The following PTPRD variants were observed in gnomAD, a reference collection of about 807,000 sequenced individuals.
PTPRD encodes the protein receptor-type tyrosine-protein phosphatase delta.
Under a neutral mutation model 214.5 loss-of-function variants are expected in PTPRD, and 34 were observed. That is an observed-to-expected ratio of 0.16 (90% CI 0.12 to 0.21). The LOEUF is 0.21. Ranked by LOEUF, PTPRD falls within the 10% of genes least tolerant of loss-of-function variation. PTPRD has a pLI of 1.00. For synonymous variants in PTPRD, 1,128 were observed against 845.7 expected (o/e 1.33, Z -5.79); for missense variants, 2,545 against 2,398.7 (o/e 1.06, Z -1.27).
rs2097820349 is a variant in PTPRD at position 8,518,149 on chromosome 9, C to T, written c.1242G>A (p.Glu414=). The change falls in exon 21 of 46, where the codon GAG becomes GAA. Residue 414 remains glutamate (E), a synonymous_variant. Coordinates refer to ENST00000381196, the MANE Select transcript of PTPRD (RefSeq NM_002839.4). ...PSEPVLTQTS[E]QAPSSAPRDV... The stretch of plus-strand genomic sequence containing the variant: ...CCCTCGGGGCACTGGATGGTGCTTG[C>T]TCTGAGGTTTGTGTTAGCACAGGTT... 1.9e-6 allele frequency: 3 copies of T among 1,614,042 alleles called. No individual in the cohort carries two copies. Among genetic ancestry groups the T allele is most frequent in the African/African-American group, 2.7e-5 (2 of 74,918 alleles).
intron 10 of PTPRD, among the ~76,000 whole-genome samples, chr9:9,072,351 C>G (rs1025840090): frequency 2.7e-5 from 4 of 150,142 alleles, no homozygotes; most frequent in Non-Finnish European, 5.9e-5. Flanking sequence ...TGCCATTGAC[C>G]AGAATAAACA....
intron 4 of PTPRD, among the ~76,000 whole-genome samples, chr9:10,007,743 A>G (rs1180102900): frequency 2.0e-5 from 3 of 152,020 alleles, no homozygotes; most frequent in Non-Finnish European, 4.4e-5. Context: ...GAATAGCTTC[A>G]GCATTTAAAA....
chr9:9,517,226 C>T (rs1369196006), intron 8 of PTPRD, among the ~76,000 whole-genome samples: 1 of 152,026 alleles, frequency 6.6e-6, no homozygotes, highest in Non-Finnish European at 1.5e-5. Context: ...TCTGTGTATC[C>T]ACTACCCAAC....
chr9:8,399,540 C>T (rs1001576098), intron 36 of PTPRD, among the ~76,000 whole-genome samples: 1 of 151,260 alleles, frequency 6.6e-6, no homozygotes, highest in Non-Finnish European at 1.5e-5. Context: ...TCCCAATATA[C>T]CTTAAAACGT....
intron 9 of PTPRD, among the ~76,000 whole-genome samples, chr9:9,222,297 C>T (rs1427836379): frequency 6.6e-6 from 1 of 151,944 alleles, no homozygotes; most frequent in Non-Finnish European, 1.5e-5. Flanking sequence ...GTTAATTGTA[C>T]CATTAGCTTA....
chr9:9,468,885 C>T (rs934680784), intron 8 of PTPRD, among the ~76,000 whole-genome samples: 4 of 152,062 alleles, frequency 2.6e-5, no homozygotes, highest in African/African-American at 9.7e-5. Flanking sequence ...GATTTTTAAT[C>T]ATTTTGATCA....
intron 11 of PTPRD, among the ~76,000 whole-genome samples, chr9:8,834,196 C>T (rs114561812): frequency 0.017 from 2,646 of 152,046 alleles, 77 homozygotes; most frequent in African/African-American, 0.059. Flanking sequence ...AGGGAAAAAG[C>T]CTGTTTTTTT....
chr9:8,994,629 G>A (rs2099389644), intron 11 of PTPRD, among the ~76,000 whole-genome samples: 1 of 151,994 alleles, frequency 6.6e-6, no homozygotes, highest in Non-Finnish European at 1.5e-5. Flanking sequence ...AAGATGGTGA[G>A]CAGAAATTAA....
chr9:10,058,985 C>A (rs148378657), intron 3 of PTPRD, among the ~76,000 whole-genome samples: 237 of 151,874 alleles, frequency 1.6e-3, no homozygotes, highest in African/African-American at 5.3e-3. Flanking sequence ...TTTTTAAAAC[C>A]AACAAAATAA....
At chr9:9,032,119 C>T (rs924284856) in intron 10 of PTPRD, among the ~76,000 whole-genome samples, 3 of 151,884 alleles carry the variant, frequency 2.0e-5, no homozygotes, top group African/African-American at 7.3e-5. Context: ...TTTTTACCTC[C>T]TGTTTTGCGT....
At chr9:8,350,033 T>A (rs1053802526) in intron 39 of PTPRD, among the ~76,000 whole-genome samples, 1 of 151,968 alleles carries the variant, frequency 6.6e-6, no homozygotes, top group African/African-American at 2.4e-5. Flanking sequence ...TACTAGGAAA[T>A]TGTTATTACT....
chr9:8,413,989 G>C (rs925276274), intron 35 of PTPRD, among the ~76,000 whole-genome samples: 1 of 151,984 alleles, frequency 6.6e-6, no homozygotes, highest in African/African-American at 2.4e-5. Flanking sequence ...ACTGCTATGG[G>C]GTTGTGATTT....
intron 3 of PTPRD, among the ~76,000 whole-genome samples, chr9:10,137,790 C>A (rs1375240694): frequency 6.6e-6 from 1 of 150,974 alleles, no homozygotes; most frequent in Admixed American, 6.6e-5. Context: ...ACCTGAATGG[C>A]TTTTTGGTAA....
chr9:8,600,494 A>C (rs926908811), intron 14 of PTPRD, among the ~76,000 whole-genome samples: 6 of 151,864 alleles, frequency 4.0e-5, no homozygotes, highest in African/African-American at 1.4e-4. Context: ...CACAGCTCTA[A>C]AAGACACCCT....
chr9:10,588,779 T>C (rs1055105683), intron 2 of PTPRD, among the ~76,000 whole-genome samples: 1 of 152,018 alleles, frequency 6.6e-6, no homozygotes, highest in South Asian at 2.1e-4. Flanking sequence ...TGCCTCTTTA[T>C]TAGCAAAAGT....
intron 4 of PTPRD, among the ~76,000 whole-genome samples, chr9:10,003,434 G>T (rs2096384821): frequency 6.6e-6 from 1 of 151,660 alleles, no homozygotes; most frequent in Admixed American, 6.6e-5. Context: ...AAAATGGGTT[G>T]GAGATGAATT....
rs753095675 is a variant in PTPRD, at chr9:8,460,681, T to C, written c.3715-110A>G. On this transcript the variant is annotated intron_variant, in intron 32 of 45. Transcript: ENST00000381196. ...AGGAAATAGTGGATTTAATGATAAG[T>C]GTGTGATGCAATATTAGCAAAACAG... The C allele has an allele frequency of 5.6e-6, 6 of 1,076,982 alleles. No homozygotes were observed. The Admixed American group carries it at 1.7e-4, about 31-fold the overall frequency. 66.7% of individuals were successfully genotyped at this position (1,076,982 alleles called of 1,614,324 possible).
intron 39 of PTPRD, among the ~76,000 whole-genome samples, chr9:8,354,842 T>G (rs2076566638): frequency 6.6e-6 from 1 of 152,196 alleles, no homozygotes; most frequent in South Asian, 2.1e-4. Flanking sequence ...ATCAATCAAT[T>G]TAGGCTGTAA....
chr9:10,102,942 CTTCA>C (rs1345161570), intron 3 of PTPRD, among the ~76,000 whole-genome samples: 1 of 151,674 alleles, frequency 6.6e-6, no homozygotes, highest in Non-Finnish European at 1.5e-5. Context: ...ACATTCATTT[CTTCA>C]TTCATTCCTT....
Sources: gnomAD v4.1 joint callset for allele counts (sites outside exome capture counted in the v4.1 genomes callset) on GRCh38, gnomAD v4.1.1 for gene constraint, MANE v1.5 for transcripts, NCBI Gene and HGNC (gene_info 2026-07-23, HGNC 2026-07-21) for gene names.